CMTM8: variants seen among roughly 807,000 people sequenced by gnomAD.
CMTM8 encodes the protein CKLF like MARVEL transmembrane domain containing 8.
Under a neutral mutation model 18.6 loss-of-function variants are expected in CMTM8, and 12 were observed. That is an observed-to-expected ratio of 0.65 (90% CI 0.41 to 1.05). The LOEUF is 1.05. Among genes scored for constraint, CMTM8 ranks in the 50% least tolerant of loss-of-function variants. CMTM8 has a pLI of 0.00. For synonymous variants in CMTM8, 87 were observed against 90.6 expected, an observed-to-expected ratio of 0.96 and a Z score of 0.23; for missense variants, 217 against 227.2, an observed-to-expected ratio of 0.95 and a Z score of 0.29.
chr3:32,353,086 C>G (rs1268188714), intron 1 of CMTM8, among the ~76,000 whole-genome samples: 1 of 152,140 alleles, frequency 6.6e-6, no homozygotes, highest in African/African-American at 2.4e-5. Flanking sequence ...CTCCACTTTC[C>G]CAGTTCAAGC....
chr3:32,289,932 G>C (rs147430749), intron 1 of CMTM8, among the ~76,000 whole-genome samples: 282 of 152,088 alleles, frequency 1.9e-3, no homozygotes, highest in African/African-American at 5.9e-3. Context: ...GAAGTTCAAG[G>C]TCAGCCTGGG....
intron 1 of CMTM8, among the ~76,000 whole-genome samples, chr3:32,329,067 T>C (rs1210637424): frequency 1.3e-5 from 2 of 152,124 alleles, no homozygotes; most frequent in Non-Finnish European, 2.9e-5. Context: ...TCAATATTGA[T>C]TCAAAAAAAA....
At chr3:32,348,090 A>G (rs1296716845) in intron 1 of CMTM8, among the ~76,000 whole-genome samples, 1 of 152,096 alleles carries the variant, frequency 6.6e-6, no homozygotes, top group African/African-American at 2.4e-5. Context: ...GAAAGGGTGC[A>G]TGGAAGGTAA....
chr3:32,317,282 A>G (rs1695951000), intron 1 of CMTM8, among the ~76,000 whole-genome samples: 1 of 152,234 alleles, frequency 6.6e-6, no homozygotes, highest in Non-Finnish European at 1.5e-5. Flanking sequence ...TTTATTTTTT[A>G]TATAAATACT....
At chr3:32,346,027 G>A (rs1283885828) in intron 1 of CMTM8, among the ~76,000 whole-genome samples, 2 of 152,218 alleles carry the variant, frequency 1.3e-5, no homozygotes, top group African/African-American at 2.4e-5. Flanking sequence ...GGTGGCTCAT[G>A]CCTGTAGTCC....
intron 1 of CMTM8, among the ~76,000 whole-genome samples, chr3:32,290,036 T>C (rs143404433): frequency 6.6e-6 from 1 of 152,214 alleles, no homozygotes; most frequent in Admixed American, 6.5e-5. Context: ...GAGGATCACA[T>C]GAGCCTGGTC....
chr3:32,238,346 G>A (rs373378122), upstream of CMTM8: 2 of 152,512 alleles, frequency 1.3e-5, no homozygotes, highest in East Asian at 3.9e-4. Context: ...GGAGTCCCTG[G>A]AGGCCTGGGT....
chr3:32,347,399 G>A (rs1696621138), intron 1 of CMTM8, among the ~76,000 whole-genome samples: 1 of 151,202 alleles, frequency 6.6e-6, no homozygotes, highest in African/African-American at 2.4e-5. Context: ...GACGGGGCTG[G>A]ACTATTTACA....
chr3:32,313,150 A>C (rs1299658021), intron 1 of CMTM8, among the ~76,000 whole-genome samples: 2 of 152,064 alleles, frequency 1.3e-5, no homozygotes, highest in African/African-American at 4.8e-5. Flanking sequence ...TGGAGACAGG[A>C]GGCAGCCAAC....
intron 1 of CMTM8, among the ~76,000 whole-genome samples, chr3:32,337,718 T>A (rs1475340270): frequency 6.6e-6 from 1 of 152,194 alleles, no homozygotes; most frequent in African/African-American, 2.4e-5. Context: ...GGTCTGGGTG[T>A]GACCTAAAAG....
chr3:32,362,046 C>CTTTTTCTTTTTCT (rs768641791), intron 2 of CMTM8, among the ~76,000 whole-genome samples: 1 of 92,066 alleles, frequency 1.1e-5, no homozygotes, highest in Non-Finnish European at 2.1e-5. Context: ...ATTTTCTTTT[C>CTTTTTCTTTTTCT]TTTTTTTTTT....
intron 1 of CMTM8, among the ~76,000 whole-genome samples, chr3:32,321,106 A>G (rs536179405): frequency 2.1e-4 from 32 of 152,128 alleles, no homozygotes; most frequent in African/African-American, 7.7e-4. Flanking sequence ...CCTTTTATTT[A>G]TACGACCCAT....
intron 1 of CMTM8, among the ~76,000 whole-genome samples, chr3:32,288,974 C>A (rs1422518441): frequency 6.6e-6 from 1 of 152,160 alleles, no homozygotes; most frequent in Non-Finnish European, 1.5e-5. Context: ...AGTGACAAAG[C>A]CACCATGTGG....
chr3:32,361,286 G>GTTTGTTTTTTTT (rs140270969), intron 2 of CMTM8, among the ~76,000 whole-genome samples: 14 of 87,224 alleles, frequency 1.6e-4, no homozygotes, highest in African/African-American at 2.4e-4. Flanking sequence ...CAGCCTAAGA[G>GTTTGTTTTTTTT]TTTTTTTTTC....
Position 32,238,911 on chromosome 3 carries a change from C to G in CMTM8, c.-62C>G. 3 of 1,465,784 alleles carry G rather than the reference C, an allele frequency of 2.0e-6. No individual in the cohort carries two copies. Among genetic ancestry groups the G allele is most frequent in the Non-Finnish European group, 2.7e-6 (3 of 1,103,586 alleles). 90.8% of individuals were successfully genotyped at this position (1,465,784 alleles called of 1,614,324 possible). On this transcript the variant is annotated 5_prime_UTR_variant, in exon 1 of 4. Transcript: ENST00000307526. ...CCTGTGTCCCCAGGGCGCAGGGCCG[C>G]GCGTCCAGCCCCAGACCCGCCGGGG...
intron 1 of CMTM8, among the ~76,000 whole-genome samples, chr3:32,280,577 T>C (rs1318556455): frequency 6.6e-6 from 1 of 152,154 alleles, no homozygotes; most frequent in Non-Finnish European, 1.5e-5. Context: ...GAAAATTCCA[T>C]AACCAGCATG....
chr3:32,323,365 C>T (rs1188269976), intron 1 of CMTM8, among the ~76,000 whole-genome samples: 3 of 152,212 alleles, frequency 2.0e-5, no homozygotes, highest in Non-Finnish European at 2.9e-5. Context: ...TCCCCCAACT[C>T]ACCATCTCTA....
chr3:32,262,729 G>C (rs1029605878), intron 1 of CMTM8, among the ~76,000 whole-genome samples: 4 of 152,214 alleles, frequency 2.6e-5, no homozygotes, highest in African/African-American at 9.7e-5. Context: ...CTCTGTCTCA[G>C]AGGAAAATAT....
At chr3:32,329,741 A>G (rs1343183585) in intron 1 of CMTM8, among the ~76,000 whole-genome samples, 1 of 152,250 alleles carries the variant, frequency 6.6e-6, no homozygotes, top group African/African-American at 2.4e-5. Flanking sequence ...CCTCTATTCA[A>G]CATAAGACCA....
Sources: gnomAD v4.1 joint callset for allele counts (sites outside exome capture counted in the v4.1 genomes callset) on GRCh38, gnomAD v4.1.1 for gene constraint, MANE v1.5 for transcripts, NCBI Gene and HGNC (gene_info 2026-07-23, HGNC 2026-07-21) for gene names.